The following NT5M variants were observed in gnomAD, a reference collection of about 807,000 sequenced individuals.
NT5M encodes 5',3'-nucleotidase, mitochondrial.
NT5M carries 22 observed loss-of-function variants against 22.2 expected under a neutral mutation model. That is an observed-to-expected ratio of 0.99 (90% CI 0.71 to 1.41). NT5M has a LOEUF of 1.41. Ranked by LOEUF, NT5M falls within the 40% of genes most tolerant of loss-of-function variation. NT5M has a pLI of 0.00. For synonymous variants in NT5M, 167 were observed against 133.0 expected, an observed-to-expected ratio of 1.26 and a Z score of -1.76; for missense variants, 322 against 314.8, an observed-to-expected ratio of 1.02 and a Z score of -0.17.
intron 2 of NT5M, among the ~76,000 whole-genome samples, chr17:17,313,233 T>G (rs1427100502): frequency 6.6e-6 from 1 of 152,050 alleles, no homozygotes; most frequent in East Asian, 1.9e-4. Context: ...GAGCTGAGAT[T>G]GCGCCATTGC....
At chr17:17,346,086 A>G (rs748371996) in intron 4 of NT5M, among the ~76,000 whole-genome samples, 7 of 152,186 alleles carry the variant, frequency 4.6e-5, no homozygotes, top group Non-Finnish European at 1.0e-4. Flanking sequence ...CTTGGGAAAC[A>G]TGCCCACCTC....
At chr17:17,319,569 G>T (rs547937381) in intron 2 of NT5M, among the ~76,000 whole-genome samples, 2 of 152,238 alleles carry the variant, frequency 1.3e-5, no homozygotes, top group East Asian at 1.9e-4. Flanking sequence ...TTAACACTAT[G>T]GGCGAATATC....
At chr17:17,336,919 C>CAAAT (rs2049526300) in intron 3 of NT5M, among the ~76,000 whole-genome samples, 2 of 152,250 alleles carry the variant, frequency 1.3e-5, no homozygotes, top group South Asian at 4.2e-4. Flanking sequence ...AGGTTGCTTC[C>CAAAT]AAATTTTGGC....
intron 2 of NT5M, among the ~76,000 whole-genome samples, chr17:17,309,524 T>C (rs2048879746): frequency 6.6e-6 from 1 of 152,260 alleles, no homozygotes; most frequent in African/African-American, 2.4e-5. Context: ...CTATTGCACA[T>C]TTCCCACTAG....
intron 2 of NT5M, among the ~76,000 whole-genome samples, chr17:17,311,691 TCTA>T (rs746237080): frequency 2.0e-5 from 3 of 152,202 alleles, no homozygotes; most frequent in Non-Finnish European, 2.9e-5. Context: ...CTTTTAAAGT[TCTA>T]ATATGATAAA....
chr17:17,326,398 G>A (rs1340727705), intron 3 of NT5M, among the ~76,000 whole-genome samples: 3 of 152,154 alleles, frequency 2.0e-5, no homozygotes, highest in South Asian at 2.1e-4. Flanking sequence ...TTTGGAAACC[G>A]CGCATATTTA....
intron 3 of NT5M, among the ~76,000 whole-genome samples, chr17:17,332,661 GC>G (rs943746786): frequency 4.0e-4 from 61 of 152,276 alleles, no homozygotes; most frequent in Middle Eastern, 6.8e-3. Context: ...GTGATGAGCA[GC>G]CCTTCTCCTT....
At position 17,323,193 on chromosome 17, in the gene NT5M, T is replaced by A; in HGVS notation, c.377T>A (p.Val126Asp). 1 of 1,614,078 alleles carries A rather than the reference T, an allele frequency of 6.2e-7. No homozygotes were observed. The highest frequency in any genetic ancestry group is 8.5e-7 in the Non-Finnish European group (1 of 1,179,952). ...CTTTCTCTTGTTGACAGCACTGACG[T>A]CTTCATCTGCACAAGCCCCATCAAG... The part of the protein sequence containing the change: ...KEMASLQNTD[V>D]FICTSPIKMF... Residue 126 changes from valine to aspartate, a missense_variant, in exon 3 of 5, where the codon GTC (valine) becomes GAC (aspartate). Coordinates refer to ENST00000389022, the MANE Select transcript of NT5M (RefSeq NM_020201.4).
rs113686367 is a variant in NT5M at position 17,316,054 on chromosome 17, CT to C, written c.369-7117del. 9.7e-3 allele frequency among the ~76,000 whole-genome samples: 1,294 copies of C among 132,782 alleles called. 12 individuals are homozygous for C. Among genetic ancestry groups the C allele is most frequent in the African/African-American group, 0.02 (712 of 35,764 alleles). The allele number at this position is 132,782 out of a possible 152,430, so 87.1% of individuals were successfully genotyped here. A position where few individuals can be genotyped will look rare whatever the true frequency, so the allele number is the denominator to read the frequency against. On this transcript the variant is annotated intron_variant, in intron 2 of 4. Coordinates refer to ENST00000389022, the MANE Select transcript of NT5M (RefSeq NM_020201.4). Reference sequence around the variant, plus strand: ...ACAGGCATGAGCCACCATGCCCGGCCTTTTTTTTTTTTTTAAATGAGACAGA... The same window carrying C: ...ACAGGCATGAGCCACCATGCCCGGCCTTTTTTTTTTTTTAAATGAGACAGA...
At chr17:17,305,556 C>T (rs1237736744) in intron 1 of NT5M, among the ~76,000 whole-genome samples, 1 of 152,140 alleles carries the variant, frequency 6.6e-6, no homozygotes, top group Non-Finnish European at 1.5e-5. Flanking sequence ...TTTGCCTAGT[C>T]CCTGTGGTTC....
At chr17:17,320,951 T>C (rs1173905234) in intron 2 of NT5M, among the ~76,000 whole-genome samples, 1 of 151,794 alleles carries the variant, frequency 6.6e-6, no homozygotes, top group African/African-American at 2.4e-5. Flanking sequence ...TTCTGTGGAG[T>C]GAAGGGGCAG....
intron 3 of NT5M, among the ~76,000 whole-genome samples, chr17:17,343,277 G>A (rs1056245572): frequency 2.0e-5 from 3 of 152,132 alleles, no homozygotes; most frequent in East Asian, 1.9e-4. Flanking sequence ...GTGCACACAC[G>A]TGTCCATGAA....
At position 17,346,880 on chromosome 17, in the gene NT5M, C is replaced by A. The variant is rs570918392; in HGVS notation, c.620C>A (p.Pro207His). 5 of 1,609,812 alleles carry A rather than the reference C, an allele frequency of 3.1e-6. No individual in the cohort carries two copies. The African/African-American group carries it at 5.3e-5, about 17-fold the overall frequency. Residue 207 changes from proline (P) to histidine (H), a missense_variant, in exon 5 of 5, where the codon CCC becomes CAC. Transcript: ENST00000389022. The stretch of plus-strand genomic sequence containing the variant: ...AACCAGCACCTGCAGCTGCAGCCCC[C>A]CCGCCGCAGGCTGCACTCGTGGGCG... ...CHNQHLQLQPPRRRLHSWADD... is the reference protein window; with the variant it reads ...CHNQHLQLQPHRRRLHSWADD...
At chr17:17,310,640 A>C (rs962435634) in intron 2 of NT5M, among the ~76,000 whole-genome samples, 1 of 152,190 alleles carries the variant, frequency 6.6e-6, no homozygotes, top group African/African-American at 2.4e-5. Context: ...ATTTGAGCCC[A>C]GTCTGGCCAA....
intron 3 of NT5M, among the ~76,000 whole-genome samples, chr17:17,323,910 T>C (rs1214383643): frequency 6.6e-6 from 1 of 152,126 alleles, no homozygotes; most frequent in Non-Finnish European, 1.5e-5. Context: ...TTTGCTCTTG[T>C]TGTTGCACAG....
At chr17:17,343,612 C>G (rs2049694570) in intron 3 of NT5M, among the ~76,000 whole-genome samples, 1 of 152,258 alleles carries the variant, frequency 6.6e-6, no homozygotes, top group Non-Finnish European at 1.5e-5. Context: ...AAAACGGAGT[C>G]CCTGGGAGGG....
chr17:17,347,183 C>G lies in NT5M; in HGVS notation c.*236C>G. On this transcript the variant is annotated 3_prime_UTR_variant, in exon 5 of 5. Transcript: ENST00000389022. ...CGTGGTCCCAGGCCGTTCAGCCTGA[C>G]CTCAGGCAGCAGGCACCAAGCTGCC... 1.8e-6 allele frequency: 1 copy of G among 550,910 alleles called. No individual in the cohort carries two copies. The allele number at this position is 550,910 out of a possible 1,614,324, so 34.1% of individuals were successfully genotyped here. A position where few individuals can be genotyped will look rare whatever the true frequency, so the allele number is the denominator to read the frequency against.
chr17:17,312,082 T>C (rs9913682), intron 2 of NT5M, among the ~76,000 whole-genome samples: 23,069 of 152,230 alleles, frequency 0.15, 2,032 homozygotes, highest in African/African-American at 0.23. Context: ...TATTAAACTT[T>C]CTGGGTTTCA....
intron 3 of NT5M, among the ~76,000 whole-genome samples, chr17:17,341,759 A>G (rs1203388907): frequency 2.0e-5 from 3 of 152,168 alleles, no homozygotes; most frequent in African/African-American, 7.2e-5. Context: ...GGCTGGGTGC[A>G]GTGGGTCATG....
Sources: allele counts gnomAD v4.1 joint callset (sites outside exome capture counted in the v4.1 genomes callset), GRCh38; gene constraint gnomAD v4.1.1; transcripts MANE v1.5; gene names NCBI Gene and HGNC (gene_info 2026-07-23, HGNC 2026-07-21).